The following NTRK2 variants were observed in gnomAD, a reference collection of about 807,000 sequenced individuals.
NTRK2 encodes neurotrophic receptor tyrosine kinase 2.
A neutral mutation model predicts 94.5 loss-of-function variants in NTRK2; 13 were observed. That is an observed-to-expected ratio of 0.14 (90% CI 0.09 to 0.22). The LOEUF is 0.22. Among genes scored for constraint, NTRK2 ranks in the 10% least tolerant of loss-of-function variants. NTRK2 has a pLI of 1.00. For missense variants in NTRK2, 639 were observed against 1,071.2 expected, an observed-to-expected ratio of 0.60 and a Z score of 5.63; for synonymous variants, 372 against 407.4, an observed-to-expected ratio of 0.91 and a Z score of 1.05.
At chr9:84,888,025 A>G (rs905753797) in intron 14 of NTRK2, among the ~76,000 whole-genome samples, 1 of 152,192 alleles carries the variant, frequency 6.6e-6, no homozygotes, top group Non-Finnish European at 1.5e-5. Context: ...CAACGTCTGG[A>G]TAAACTACAG....
intron 12 of NTRK2, among the ~76,000 whole-genome samples, chr9:84,786,753 G>A (rs79194573): frequency 1.2e-3 from 176 of 152,282 alleles, no homozygotes; most frequent in African/African-American, 4.1e-3. Context: ...TGGCCACCAC[G>A]TGTGTGTGCT....
Position 85,024,807 on chromosome 9 carries a change from T to C in NTRK2, c.*3370T>C. ...ACTGAACCAATGTCATAATCAGGCT[T>C]ATTTAGAAAACACTTTGAACTATGC... On this transcript the variant is annotated 3_prime_UTR_variant, in exon 19 of 19. Coordinates refer to ENST00000277120, the MANE Select transcript of NTRK2 (RefSeq NM_006180.6). 4.3e-6 allele frequency: 1 copy of C among 233,116 alleles called. No homozygotes were observed. The highest frequency in any genetic ancestry group is 1.3e-3 in the Middle Eastern group (1 of 786). 14.4% of individuals were successfully genotyped at this position (233,116 alleles called of 1,614,324 possible). A position where few individuals can be genotyped will look rare whatever the true frequency, so the allele number is the denominator to read the frequency against.
At chr9:84,726,562 G>C (rs1331365448) in intron 8 of NTRK2, among the ~76,000 whole-genome samples, 1 of 152,158 alleles carries the variant, frequency 6.6e-6, no homozygotes, top group East Asian at 1.9e-4. Flanking sequence ...GGGTTTGTCT[G>C]TTCCCTGGCT....
intron 12 of NTRK2, among the ~76,000 whole-genome samples, chr9:84,849,455 C>T (rs568340643): frequency 8.5e-4 from 129 of 152,266 alleles, no homozygotes; most frequent in Non-Finnish European, 1.4e-3. Context: ...CAACATCTAA[C>T]GTAATCATGG....
chr9:84,877,695 C>T (rs1221), intron 14 of NTRK2: 178,873 of 1,060,914 alleles, frequency 0.17, 15,576 homozygotes, highest in African/African-American at 0.25. Context: ...TGCAAGGGAG[C>T]GGACCTAACA....
rs752374445 is a variant in NTRK2 at position 84,910,107 on chromosome 9, T to G, written c.1634-24055T>G. Among the ~76,000 whole-genome samples the G allele has an allele frequency of 3.6e-4, 55 of 152,326 alleles. 1 individual carries two copies. Among genetic ancestry groups the G allele is most frequent in the Non-Finnish European group, 6.5e-4 (44 of 68,012 alleles). On this transcript the variant is annotated intron_variant, in intron 14 of 18. Coordinates refer to ENST00000277120, the MANE Select transcript of NTRK2 (RefSeq NM_006180.6). ...GCCATGATTCATATTTTATTTAATT[T>G]TTATACACAATGTGAGACTTAGGAG...
At chr9:84,882,195 A>AACAC (rs143087277) in intron 14 of NTRK2, among the ~76,000 whole-genome samples, 6 of 150,530 alleles carry the variant, frequency 4.0e-5, no homozygotes, top group Non-Finnish European at 8.9e-5. Flanking sequence ...TGCTCCCACC[A>AACAC]ACACACACAC....
intron 14 of NTRK2, among the ~76,000 whole-genome samples, chr9:84,914,037 A>G (rs1369188191): frequency 6.6e-6 from 1 of 151,972 alleles, no homozygotes; most frequent in East Asian, 1.9e-4. Context: ...CTGTCTTCAA[A>G]TTTAGTGATT....
At chr9:84,915,772 T>C (rs1304128193) in intron 14 of NTRK2, among the ~76,000 whole-genome samples, 1 of 152,210 alleles carries the variant, frequency 6.6e-6, no homozygotes, top group Non-Finnish European at 1.5e-5. Flanking sequence ...TCTTATATTT[T>C]AATTTACCAC....
intron 12 of NTRK2, among the ~76,000 whole-genome samples, chr9:84,797,570 A>ATATATATTATATATACTATATATAC (rs2069519459): frequency 3.4e-5 from 2 of 58,726 alleles, no homozygotes; most frequent in African/African-American, 1.9e-4. Context: ...ACTATATATT[A>ATATATATTATATATACTATATATAC]TATATATTAT....
chr9:84,806,506 A>T (rs1339883314), intron 12 of NTRK2, among the ~76,000 whole-genome samples: 1 of 152,200 alleles, frequency 6.6e-6, no homozygotes, highest in African/African-American at 2.4e-5. Context: ...CTAAATTTAT[A>T]TATGGGGAGA....
chr9:84,942,668 T>C (rs1393493080), intron 15 of NTRK2, among the ~76,000 whole-genome samples: 1 of 152,192 alleles, frequency 6.6e-6, no homozygotes, highest in Non-Finnish European at 1.5e-5. Context: ...TATAGTTTAT[T>C]TAACTCAACA....
chr9:85,000,409 C>T (rs1830210598), intron 17 of NTRK2, among the ~76,000 whole-genome samples: 1 of 152,174 alleles, frequency 6.6e-6, no homozygotes, highest in South Asian at 2.1e-4. Flanking sequence ...CCTTCCCTAT[C>T]CCCTAGCCAC....
chr9:84,751,928 A>C (rs2064657645), intron 11 of NTRK2, 58 bp from the exon 12 acceptor site: 1 of 1,260,930 alleles, frequency 7.9e-7, no homozygotes, highest in Non-Finnish European at 1.2e-6. Context: ...CATCATCACC[A>C]TATGATTATA....
At chr9:84,703,102 T>C (rs2060832618) in intron 4 of NTRK2, among the ~76,000 whole-genome samples, 2 of 152,208 alleles carry the variant, frequency 1.3e-5, no homozygotes, top group Non-Finnish European at 2.9e-5. Flanking sequence ...GAGAGTTGTC[T>C]TCATTAAACT....
intron 12 of NTRK2, among the ~76,000 whole-genome samples, chr9:84,784,292 C>T (rs1227606706): frequency 6.6e-6 from 1 of 152,174 alleles, no homozygotes; most frequent in Non-Finnish European, 1.5e-5. Flanking sequence ...GTGATCAGAT[C>T]AGCATATCCA....
At chr9:84,681,717 A>T (rs1242123691) in intron 2 of NTRK2, among the ~76,000 whole-genome samples, 1 of 152,170 alleles carries the variant, frequency 6.6e-6, no homozygotes, top group East Asian at 1.9e-4. Context: ...GCCACACTGT[A>T]GCTGGAGCGG....
intron 12 of NTRK2, among the ~76,000 whole-genome samples, chr9:84,788,930 G>A (rs1051151102): frequency 1.5e-4 from 23 of 152,282 alleles, no homozygotes; most frequent in African/African-American, 3.8e-4. Context: ...GGTAAGTAGC[G>A]CATCCTCTAC....
At chr9:84,870,331 G>GTGGGTATATATATATA (rs1349303529) in intron 14 of NTRK2, among the ~76,000 whole-genome samples, 1 of 31,176 alleles carries the variant, frequency 3.2e-5, no homozygotes, top group Non-Finnish European at 6.8e-5. Flanking sequence ...GTGTGTGTGT[G>GTGGGTATATATATATA]TATATATATA....
Sources: gnomAD v4.1 joint callset for allele counts (sites outside exome capture counted in the v4.1 genomes callset) on GRCh38, gnomAD v4.1.1 for gene constraint, MANE v1.5 for transcripts, NCBI Gene and HGNC (gene_info 2026-07-23, HGNC 2026-07-21) for gene names.